The following RBMS1 variants were observed in gnomAD, a reference collection of about 807,000 sequenced individuals.
The protein encoded by RBMS1 is RNA binding motif single stranded interacting protein 1, also known as RNA-binding motif, single-stranded-interacting protein 1.
RBMS1 carries 17 observed loss-of-function variants against 62.3 expected under a neutral mutation model. The ratio of observed to expected loss-of-function variants is 0.27; its 90% CI spans 0.19 to 0.41. RBMS1 has a LOEUF of 0.41. Ranked by LOEUF, RBMS1 falls within the 10% of genes least tolerant of loss-of-function variation. The pLI is 1.00. For synonymous variants in RBMS1, 172 were observed against 170.0 expected (o/e 1.01, Z -0.09); for missense variants, 334 against 504.5 (o/e 0.66, Z 3.24).
intron 1 of RBMS1, among the ~76,000 whole-genome samples, chr2:160,394,420 T>C (rs1695029215): frequency 2.0e-5 from 3 of 152,130 alleles, no homozygotes; most frequent in Admixed American, 2.0e-4. Flanking sequence ...CCACAGCCAA[T>C]TATATGAGAA....
rs1574043754 is a variant in RBMS1, at chr2:160,426,285, G to GAAAGA, written c.76-58899_76-58895dup. ...AGAAAGAAAGAAAGAAAGAAAGAAA[G>GAAAGA]AAAGAAAAGAAAGAAGGAAGGAAGG... On this transcript the variant is annotated intron_variant, in intron 1 of 13. Transcript: ENST00000348849. 5.6e-4 allele frequency among the ~76,000 whole-genome samples: 56 copies of GAAAGA among 100,210 alleles called. 2 individuals carry two copies. The highest frequency in any genetic ancestry group is 4.3e-3 in the East Asian group (15 of 3,512). The allele number at this position is 100,210 out of a possible 152,430, so 65.7% of individuals were successfully genotyped here. A position where few individuals can be genotyped will look rare whatever the true frequency, so the allele number is the denominator to read the frequency against.
intron 10 of RBMS1, chr2:160,279,911 G>A (rs781607622): frequency 1.3e-5 from 2 of 152,118 alleles, no homozygotes; most frequent in Admixed American, 6.5e-5. Context: ...GCTCAGATAC[G>A]TGCAGTCTTT....
intron 6 of RBMS1, among the ~76,000 whole-genome samples, chr2:160,289,234 T>C (rs895342335): frequency 1.3e-5 from 2 of 152,338 alleles, no homozygotes; most frequent in South Asian, 2.1e-4. Flanking sequence ...GAAGAGGATA[T>C]AGCTGAACCT....
intron 1 of RBMS1, among the ~76,000 whole-genome samples, chr2:160,383,463 G>A (rs969061334): frequency 1.4e-5 from 2 of 147,646 alleles, no homozygotes; most frequent in African/African-American, 5.0e-5. Flanking sequence ...TGGGGGGGGG[G>A]GAACTGACCC....
intron 1 of RBMS1, among the ~76,000 whole-genome samples, chr2:160,383,150 C>T (rs1281796451): frequency 6.6e-6 from 1 of 152,184 alleles, no homozygotes; most frequent in East Asian, 1.9e-4. Context: ...TTCAGGAAAA[C>T]AGAAGTCTGC....
chr2:160,325,202 A>C (rs533577902), intron 2 of RBMS1, among the ~76,000 whole-genome samples: 51 of 152,216 alleles, frequency 3.4e-4, no homozygotes, highest in African/African-American at 1.2e-3. Flanking sequence ...ACACAGCTCC[A>C]AAAGAGTAAG....
chr2:160,383,157 C>A (rs1694366594), intron 1 of RBMS1, among the ~76,000 whole-genome samples: 1 of 152,144 alleles, frequency 6.6e-6, no homozygotes, highest in South Asian at 2.1e-4. Flanking sequence ...AAACAGAAGT[C>A]TGCAATTAGG....
chr2:160,477,135 G>A (rs1685176166), intron 1 of RBMS1, among the ~76,000 whole-genome samples: 1 of 152,068 alleles, frequency 6.6e-6, no homozygotes, highest in African/African-American at 2.4e-5. Context: ...TTTAAGCAAC[G>A]AAAGAATGAA....
chr2:160,391,425 G>A (rs1573987776), intron 1 of RBMS1, among the ~76,000 whole-genome samples: 1 of 151,888 alleles, frequency 6.6e-6, no homozygotes, highest in East Asian at 1.9e-4. Flanking sequence ...CCAAAACTGA[G>A]AAAATTAGTT....
At chr2:160,433,196 T>C (rs1239321556) in intron 1 of RBMS1, among the ~76,000 whole-genome samples, 1 of 152,114 alleles carries the variant, frequency 6.6e-6, no homozygotes. Flanking sequence ...GGTGGATCGC[T>C]TGGGCTCAAG....
chr2:160,432,741 C>A lies in RBMS1; in HGVS notation c.75+60548G>T, dbSNP rs79768961. ...GAAAAGGGAGTAAAGGTCACGCAGG[C>A]CACCTGGTGGCAATGTGTCAGAGAA... On this transcript the variant is annotated intron_variant, in intron 1 of 13. Coordinates refer to ENST00000348849, the MANE Select transcript of RBMS1 (RefSeq NM_016836.4). Among the ~76,000 whole-genome samples the A allele has an allele frequency of 5.4e-3, 821 of 152,212 alleles. 16 individuals carry two copies. Among genetic ancestry groups the A allele is most frequent in the African/African-American group, 0.019 (781 of 41,514 alleles).
chr2:160,292,147 G>A (rs1218455736), intron 6 of RBMS1, among the ~76,000 whole-genome samples: 6 of 152,178 alleles, frequency 3.9e-5, no homozygotes, highest in African/African-American at 1.2e-4. Context: ...TGGGTGTACT[G>A]TATGGTGGTA....
intron 11 of RBMS1, 73 bp downstream of exon 11, chr2:160,278,475 T>C: frequency 9.1e-6 from 11 of 1,205,380 alleles, no homozygotes; most frequent in Middle Eastern, 5.4e-4. Flanking sequence ...TGTCATTTGA[T>C]AGGGAAGATA....
intron 2 of RBMS1, among the ~76,000 whole-genome samples, chr2:160,323,522 G>A (rs1690699446): frequency 1.3e-5 from 2 of 148,274 alleles, no homozygotes; most frequent in African/African-American, 2.5e-5. Context: ...GATGTACTAG[G>A]AGAAACAGGT....
intron 2 of RBMS1, among the ~76,000 whole-genome samples, chr2:160,325,281 T>C (rs921974622): frequency 1.3e-5 from 2 of 152,164 alleles, no homozygotes; most frequent in East Asian, 1.9e-4. Context: ...CAGGAAGAAG[T>C]TACCTGACTA....
chr2:160,352,129 T>C (rs550040346), intron 2 of RBMS1, among the ~76,000 whole-genome samples: 3 of 152,234 alleles, frequency 2.0e-5, no homozygotes, highest in Admixed American at 6.5e-5. Flanking sequence ...CATTACGAAA[T>C]TGAGTATTCA....
chr2:160,371,719 C>T (rs1018943882), intron 1 of RBMS1, among the ~76,000 whole-genome samples: 1 of 152,080 alleles, frequency 6.6e-6, no homozygotes, highest in African/African-American at 2.4e-5. Context: ...AGAGAACTTC[C>T]CGTATGGACA....
chr2:160,307,361 GA>G (rs762396045), intron 4 of RBMS1, among the ~76,000 whole-genome samples: 1,874 of 85,702 alleles, frequency 0.022, 36 homozygotes, highest in African/African-American at 0.072. Context: ...CCTATTTATT[GA>G]AAAAAAAAAA....
chr2:160,356,192 T>G (rs1468573359), intron 2 of RBMS1, among the ~76,000 whole-genome samples: 1 of 152,086 alleles, frequency 6.6e-6, no homozygotes, highest in Non-Finnish European at 1.5e-5. Flanking sequence ...GAGCTGCACA[T>G]TAGACAGCTA....
Sources: gnomAD v4.1 joint callset for allele counts (sites outside exome capture counted in the v4.1 genomes callset) on GRCh38, gnomAD v4.1.1 for gene constraint, MANE v1.5 for transcripts, NCBI Gene and HGNC (gene_info 2026-07-23, HGNC 2026-07-21) for gene names.